KIAA1217: variants seen among roughly 807,000 people sequenced by gnomAD.
KIAA1217 encodes the protein sickle tail protein homolog.
KIAA1217 carries 88 observed loss-of-function variants against 163.9 expected under a neutral mutation model. That is an observed-to-expected ratio of 0.54 (90% CI 0.45 to 0.64). KIAA1217 has a LOEUF of 0.64. Ranked by LOEUF, KIAA1217 falls within the 30% of genes least tolerant of loss-of-function variation. The pLI is 0.00. For missense variants in KIAA1217, 2,372 were observed against 2,475.0 expected (o/e 0.96, Z 0.88); for synonymous variants, 903 against 923.1 (o/e 0.98, Z 0.39).
intron 2 of KIAA1217, among the ~76,000 whole-genome samples, chr10:24,298,729 C>T (rs766383461): frequency 1.1e-4 from 16 of 152,126 alleles, no homozygotes; most frequent in Non-Finnish European, 2.1e-4. Flanking sequence ...ACTTGGAAGG[C>T]GGAGGCCATG....
chr10:23,945,827 G>A (rs528920045), intron 1 of KIAA1217, among the ~76,000 whole-genome samples: 2 of 152,232 alleles, frequency 1.3e-5, no homozygotes, highest in East Asian at 3.9e-4. Context: ...GTGTGACAGG[G>A]CTATTCACAG....
At chr10:23,786,418 C>T (rs896459335) in intron 1 of KIAA1217, among the ~76,000 whole-genome samples, 1 of 151,436 alleles carries the variant, frequency 6.6e-6, no homozygotes, top group African/African-American at 2.4e-5. Flanking sequence ...GCCTCTATGA[C>T]AACAAATTCT....
At position 24,524,622 on chromosome 10, in the gene KIAA1217, T is replaced by C. The variant is rs1335184500; in HGVS notation, c.2756T>C (p.Val919Ala). ...NLPHVASSPA[V>A]PQEATSTLQM... The stretch of plus-strand genomic sequence containing the variant: ...CCTCACGTGGCCAGCTCCCCAGCCG[T>C]CCCCCAGGAAGCAACCTCCACTCTG... Residue 919 changes from valine to alanine, a missense_variant, in exon 13 of 21, where the codon GTC becomes GCC. Physicochemically the swap from Val to Ala is moderately conservative, Grantham distance 64. Transcript: ENST00000376454. 1 of 1,613,846 alleles carries C rather than the reference T, an allele frequency of 6.2e-7. No homozygotes were observed. The highest frequency in any genetic ancestry group is 1.1e-5 in the South Asian group (1 of 91,066).
At chr10:24,047,895 T>G (rs1428815364) in intron 2 of KIAA1217, among the ~76,000 whole-genome samples, 1 of 152,216 alleles carries the variant, frequency 6.6e-6, no homozygotes, top group Non-Finnish European at 1.5e-5. Context: ...GGATAGGCAA[T>G]GTCTTGAAAA....
chr10:23,913,086 C>A (rs1420814900), intron 1 of KIAA1217, among the ~76,000 whole-genome samples: 1 of 152,166 alleles, frequency 6.6e-6, no homozygotes, highest in African/African-American at 2.4e-5. Flanking sequence ...ACAAAGGTCA[C>A]CCTGCGGGTA....
At chr10:24,182,439 CACACA>C (rs1564799264) in intron 2 of KIAA1217, among the ~76,000 whole-genome samples, 25 of 61,040 alleles carry the variant, frequency 4.1e-4, no homozygotes, top group South Asian at 1.4e-3. Context: ...AAGACTCCAT[CACACA>C]CACACACACA....
chr10:23,890,220 A>G (rs553817261), intron 1 of KIAA1217, among the ~76,000 whole-genome samples: 11 of 151,528 alleles, frequency 7.3e-5, no homozygotes, highest in Non-Finnish European at 1.2e-4. Flanking sequence ...TTAATTCTCT[A>G]TTTTCATTTA....
intron 2 of KIAA1217, among the ~76,000 whole-genome samples, chr10:24,319,702 G>A (rs547076884): frequency 2.6e-4 from 39 of 152,306 alleles, no homozygotes; most frequent in African/African-American, 9.4e-4. Context: ...CCAGGGGTGC[G>A]CCTTAGCAAC....
intron 2 of KIAA1217, among the ~76,000 whole-genome samples, chr10:24,177,739 G>A (rs2131939458): frequency 1.3e-5 from 2 of 152,134 alleles, no homozygotes; most frequent in Middle Eastern, 6.8e-3. Flanking sequence ...TGAAGGTGGT[G>A]GGGGAGGCTA....
chr10:23,748,583 G>C (rs141087190), intron 1 of KIAA1217, among the ~76,000 whole-genome samples: 37 of 141,680 alleles, frequency 2.6e-4, no homozygotes, highest in East Asian at 4.5e-4. Context: ...CGGAAGGAAG[G>C]GGGGAGGGAA....
rs146663217 is a variant in KIAA1217, at chr10:24,044,686, C to G, written c.-171+37312C>G. Among the ~76,000 whole-genome samples the G allele has an allele frequency of 1.6e-3, 244 of 152,180 alleles. 2 individuals are homozygous for G. The highest frequency in any genetic ancestry group is 5.8e-3 in the African/African-American group (239 of 41,542). On this transcript the variant is annotated intron_variant, in intron 2 of 18. Coordinates refer to the KIAA1217 transcript ENST00000376462. Reference sequence around the variant, plus strand: ...GTTATCATAATTAGTTTTCCATCATCCATCTATAGGCTAATTCTAAAAGTT... The same window carrying G: ...GTTATCATAATTAGTTTTCCATCATGCATCTATAGGCTAATTCTAAAAGTT...
intron 5 of KIAA1217, among the ~76,000 whole-genome samples, chr10:24,441,859 G>C (rs1424309015): frequency 6.6e-6 from 1 of 152,128 alleles, no homozygotes; most frequent in Non-Finnish European, 1.5e-5. Context: ...TCCATTTCAT[G>C]ACTCTCAAAA....
chr10:23,803,398 T>A (rs1017201732), intron 1 of KIAA1217, among the ~76,000 whole-genome samples: 9 of 152,212 alleles, frequency 5.9e-5, no homozygotes, highest in African/African-American at 2.2e-4. Context: ...GCCCCCGTCC[T>A]ATGACCGCTC....
chr10:24,014,491 G>C (rs1277825647), intron 2 of KIAA1217, among the ~76,000 whole-genome samples: 1 of 152,132 alleles, frequency 6.6e-6, no homozygotes, highest in African/African-American at 2.4e-5. Flanking sequence ...ACTGAAATGA[G>C]AGCTCCTCTA....
rs533691687 is a variant in KIAA1217 at position 23,934,748 on chromosome 10, G to T, written c.-320-72477G>T. On this transcript the variant is annotated intron_variant, in intron 1 of 18. Coordinates refer to the KIAA1217 transcript ENST00000376462. Reference sequence around the variant, plus strand: ...TTCTCCTGCCTCAGCCTCCTGAGTAGCTGGGACTACAGGCACCCGCCACCA... The same window carrying T: ...TTCTCCTGCCTCAGCCTCCTGAGTATCTGGGACTACAGGCACCCGCCACCA... Among the ~76,000 whole-genome samples the T allele has an allele frequency of 3.1e-3, 470 of 149,586 alleles. 1 individual carries two copies. Among genetic ancestry groups the T allele is most frequent in the Non-Finnish European group, 5.3e-3 (354 of 67,388 alleles).
chr10:24,105,902 A>G (rs1030161494), intron 2 of KIAA1217, among the ~76,000 whole-genome samples: 3 of 152,192 alleles, frequency 2.0e-5, no homozygotes, highest in Non-Finnish European at 4.4e-5. Context: ...TGGGCTGTGC[A>G]TTGTGGAAAG....
At chr10:23,746,116 G>A (rs1839400485) in intron 1 of KIAA1217, among the ~76,000 whole-genome samples, 2 of 152,158 alleles carry the variant, frequency 1.3e-5, no homozygotes, top group African/African-American at 4.8e-5. Flanking sequence ...TCGGGTCATG[G>A]GGGCAGATCC....
intron 3 of KIAA1217, among the ~76,000 whole-genome samples, chr10:24,399,788 G>A (rs1257395848): frequency 3.3e-5 from 5 of 152,168 alleles, no homozygotes; most frequent in African/African-American, 1.2e-4. Flanking sequence ...GCAGCATGAG[G>A]GATCTTAGAT....
At chr10:24,186,617 A>G (rs1029169929) in intron 2 of KIAA1217, among the ~76,000 whole-genome samples, 1 of 152,138 alleles carries the variant, frequency 6.6e-6, no homozygotes, top group Admixed American at 6.6e-5. Flanking sequence ...CTGGCCAGGC[A>G]CAGTGGCTCA....
Sources: allele counts gnomAD v4.1 joint callset (sites outside exome capture counted in the v4.1 genomes callset), GRCh38; gene constraint gnomAD v4.1.1; transcripts MANE v1.5; gene names NCBI Gene and HGNC (gene_info 2026-07-23, HGNC 2026-07-21).